The following GOLGA3 variants were observed in gnomAD, a reference collection of about 807,000 sequenced individuals.
The protein encoded by GOLGA3 is golgin A3.
In GOLGA3, 75 loss-of-function variants were observed where a neutral mutation model predicts 169.4. The ratio of observed to expected loss-of-function variants is 0.44; its 90% CI spans 0.37 to 0.54. GOLGA3 has a LOEUF of 0.54. Ranked by LOEUF, GOLGA3 falls within the 20% of genes least tolerant of loss-of-function variation. The pLI is 0.00. For missense variants in GOLGA3, 1,899 were observed against 1,930.0 expected (o/e 0.98, Z 0.30); for synonymous variants, 824 against 822.4 (o/e 1.00, Z -0.03).
chr12:132,777,945 G>C lies in GOLGA3; in HGVS notation c.3583-140C>G, dbSNP rs2045343908. On this transcript the variant is annotated intron_variant, in intron 18 of 23. Coordinates refer to ENST00000450791, the MANE Select transcript of GOLGA3 (RefSeq NM_001389683.1). The surrounding 1 kb of genome is among the most constrained non-coding windows in gnomAD (Gnocchi z 4.7). ...GTGTGCTTCTCCACAGGCCTGTCAAGTTCCTTGTAAAGATGAAACCACCTG... is the reference window on the plus strand; with the variant it reads ...GTGTGCTTCTCCACAGGCCTGTCAACTTCCTTGTAAAGATGAAACCACCTG... 3 of 909,266 alleles carry C rather than the reference G, an allele frequency of 3.3e-6. No homozygotes were observed. Among genetic ancestry groups the C allele is most frequent in the Non-Finnish European group, 3.2e-6 (2 of 616,000 alleles). The allele number at this position is 909,266 out of a possible 1,614,324, so 56.3% of individuals were successfully genotyped here.
intron 23 of GOLGA3, 136 bp from the exon 24 acceptor site, chr12:132,773,430 C>A (rs919248430): frequency 1.9e-5 from 10 of 520,722 alleles, no homozygotes; most frequent in Admixed American, 1.8e-4. Flanking sequence ...ACTGAGACCA[C>A]AGAAGCTCAG....
At chr12:132,795,682 A>C (rs918021579) in intron 11 of GOLGA3, among the ~76,000 whole-genome samples, 170 bp downstream of exon 11, 1 of 152,150 alleles carries the variant, frequency 6.6e-6, no homozygotes, top group Non-Finnish European at 1.5e-5. Flanking sequence ...AATTGCCTGA[A>C]CCTGGGAGGT....
intron 4 of GOLGA3, among the ~76,000 whole-genome samples, chr12:132,813,095 G>A (rs779716320): frequency 3.9e-5 from 6 of 152,184 alleles, no homozygotes; most frequent in Non-Finnish European, 7.3e-5. Flanking sequence ...TTTTTGTGGT[G>A]GTCCAGAACT....
At chr12:132,778,223 G>A (rs2045354265) in intron 18 of GOLGA3, among the ~76,000 whole-genome samples, 2 of 151,948 alleles carry the variant, frequency 1.3e-5, no homozygotes, top group Admixed American at 1.3e-4. Context: ...CTGCAGGGGA[G>A]CTGTGATCGC....
Position 132,818,334 on chromosome 12 carries a change from A to G in GOLGA3, c.134-1522T>C, listed in dbSNP as rs578023409. On this transcript the variant is annotated intron_variant, in intron 2 of 23. Transcript: ENST00000450791. ...GAGTTCAGTCACACAAGCTCAGCTC[A>G]CTGCAAGCTCCACTCACCAGATTCA... Among the ~76,000 whole-genome samples, 5 of 152,292 alleles carry G rather than the reference A, an allele frequency of 3.3e-5. No individual in the cohort carries two copies. In the East Asian group the frequency reaches 9.6e-4, roughly 29 times the overall value.
chr12:132,815,233 G>A (rs1326130714), intron 3 of GOLGA3, among the ~76,000 whole-genome samples: 1 of 152,178 alleles, frequency 6.6e-6, no homozygotes, highest in Non-Finnish European at 1.5e-5. Flanking sequence ...TGGCCACCAG[G>A]CAGATATTTA....
At chr12:132,809,311 G>C (rs1566126567) in intron 4 of GOLGA3, among the ~76,000 whole-genome samples, 1 of 152,232 alleles carries the variant, frequency 6.6e-6, no homozygotes, top group Non-Finnish European at 1.5e-5. Flanking sequence ...GCATCACAGG[G>C]AGATGGTTAG....
At chr12:132,822,379 G>T in intron 1 of GOLGA3, 68 bp from the exon 2 acceptor site, 1 of 940,644 alleles carries the variant, frequency 1.1e-6, no homozygotes, top group Non-Finnish European at 1.5e-6. Context: ...TACAAAATTA[G>T]CATTTGGTTC....
At chr12:132,780,203 G>C (rs1566074634) in intron 18 of GOLGA3, among the ~76,000 whole-genome samples, 1 of 148,566 alleles carries the variant, frequency 6.7e-6, no homozygotes, top group Non-Finnish European at 1.5e-5. Context: ...CCACACCCCA[G>C]GCACACGTGC....
Position 132,801,878 on chromosome 12 carries a change from C to A in GOLGA3, c.1689G>T (p.Ala563=). ...GCAGGGACGAGATCTCCGCCTGCGACGCCTTCAGCTTGCTGGTCAGCGTCG... is the reference window on the plus strand; with the variant it reads ...GCAGGGACGAGATCTCCGCCTGCGAAGCCTTCAGCTTGCTGGTCAGCGTCG... The part of the protein sequence containing the change: ...ERTTLTSKLK[A]SQAEISSLQS... Residue 563 remains alanine, a synonymous_variant, in exon 8 of 24, where the codon GCG becomes GCT. Coordinates refer to ENST00000450791, the MANE Select transcript of GOLGA3 (RefSeq NM_001389683.1). 1 of 1,604,688 alleles carries A rather than the reference C, an allele frequency of 6.2e-7. No individual in the cohort carries two copies. Among genetic ancestry groups the A allele is most frequent in the East Asian group, 2.2e-5 (1 of 44,868 alleles).
At chr12:132,805,156 G>T (rs2136571493) in intron 6 of GOLGA3, 134 bp from the exon 7 acceptor site, 2 of 953,458 alleles carry the variant, frequency 2.1e-6, no homozygotes, top group East Asian at 5.3e-5. Context: ...CTCTCCCAAG[G>T]CCTGACAGAG....
At position 132,816,807 on chromosome 12, in the gene GOLGA3, C is replaced by A; in HGVS notation, c.139G>T (p.Glu47Ter). Residue 47 changes from glutamate (E) to a stop codon, truncating the protein, a stop_gained, in exon 3 of 24, where the codon GAG (glutamate) becomes TAG (stop). Transcript: ENST00000450791. LOFTEE classifies it high-confidence loss of function. The part of the protein sequence containing the change: ...PDQQDKVQCA[E>*]VNRASTEGES... ...CCTTCCGTGGATGCTCTGTTTACCTCGGCACCTGGAAAGACAGAGCACGCT... is the reference window on the plus strand; with the variant it reads ...CCTTCCGTGGATGCTCTGTTTACCTAGGCACCTGGAAAGACAGAGCACGCT... The A allele has an allele frequency of 6.3e-7, 1 of 1,592,222 alleles. No homozygotes were observed. The highest frequency in any genetic ancestry group is 8.6e-7 in the Non-Finnish European group (1 of 1,165,092).
At chr12:132,779,483 T>A (rs747608755) in intron 18 of GOLGA3, among the ~76,000 whole-genome samples, 3 of 152,238 alleles carry the variant, frequency 2.0e-5, no homozygotes, top group Non-Finnish European at 4.4e-5. Context: ...TACATTATCA[T>A]AGAAAAGTTC....
chr12:132,793,006 C>T (rs1479424434), intron 11 of GOLGA3, among the ~76,000 whole-genome samples: 3 of 122,514 alleles, frequency 2.4e-5, no homozygotes, highest in Admixed American at 1.6e-4. Context: ...ACAGACAGAC[C>T]GCACGGGACC....
At chr12:132,811,166 G>A (rs1437321189) in intron 4 of GOLGA3, among the ~76,000 whole-genome samples, 1 of 152,088 alleles carries the variant, frequency 6.6e-6, no homozygotes, top group African/African-American at 2.4e-5. Context: ...CTGACATTCG[G>A]GGCCACTACC....
chr12:132,790,908 G>A (rs990727443), intron 12 of GOLGA3, among the ~76,000 whole-genome samples: 4 of 150,664 alleles, frequency 2.7e-5, no homozygotes, highest in African/African-American at 4.9e-5. Flanking sequence ...AAAATTAGCC[G>A]GACGTGGTGG....
At chr12:132,795,016 AT>A (rs1301978112) in intron 11 of GOLGA3, among the ~76,000 whole-genome samples, 2 of 152,098 alleles carry the variant, frequency 1.3e-5, no homozygotes, top group Non-Finnish European at 2.9e-5. Context: ...GTGAAACCCC[AT>A]CTCTACTAAA....
chr12:132,785,731 C>G (rs2045863376), intron 15 of GOLGA3, among the ~76,000 whole-genome samples: 1 of 152,170 alleles, frequency 6.6e-6, no homozygotes, highest in Non-Finnish European at 1.5e-5. Flanking sequence ...GTTGTCAGTG[C>G]AAGGACGTGA....
At chr12:132,799,385 C>T (rs1949023080) in intron 8 of GOLGA3, among the ~76,000 whole-genome samples, 2 of 152,246 alleles carry the variant, frequency 1.3e-5, no homozygotes, top group African/African-American at 4.8e-5. Flanking sequence ...CCGGCAGTGG[C>T]TCATCCTGTA....
Sources: allele counts gnomAD v4.1 joint callset (sites outside exome capture counted in the v4.1 genomes callset), GRCh38; gene constraint gnomAD v4.1.1; non-coding constraint Gnocchi (gnomAD v3.1); transcripts MANE v1.5; gene names NCBI Gene and HGNC (gene_info 2026-07-23, HGNC 2026-07-21).